Variants in IGFBP7 observed in about 807,000 individuals in gnomAD.
The protein encoded by IGFBP7 is insulin-like growth factor-binding protein 7.
IGFBP7 carries 31 observed loss-of-function variants against 29.4 expected under a neutral mutation model. That is an observed-to-expected ratio of 1.05 (90% CI 0.79 to 1.42). The LOEUF (loss-of-function observed/expected upper bound fraction) is 1.42. Among genes scored for constraint, IGFBP7 ranks in the 40% most tolerant of loss-of-function variants. The pLI is 0.00. For missense variants in IGFBP7, 393 were observed against 395.5 expected, an observed-to-expected ratio of 0.99 and a Z score of 0.05; for synonymous variants, 172 against 174.9, an observed-to-expected ratio of 0.98 and a Z score of 0.13.
At chr4:57,086,764 G>C (rs553879845) in intron 1 of IGFBP7, among the ~76,000 whole-genome samples, 1 of 151,802 alleles carries the variant, frequency 6.6e-6, no homozygotes. Context: ...TCCGAGTTTC[G>C]CTCTTGTTGC....
At chr4:57,080,760 T>C (rs1276158375) in intron 1 of IGFBP7, among the ~76,000 whole-genome samples, 1 of 152,200 alleles carries the variant, frequency 6.6e-6, no homozygotes, top group Non-Finnish European at 1.5e-5. Flanking sequence ...TCACTCACCC[T>C]ATGCCTACCG....
Position 57,058,333 on chromosome 4 carries a change from G to A in IGFBP7, c.476-17400C>T, listed in dbSNP as rs139133955. Among the ~76,000 whole-genome samples the A allele has an allele frequency of 3.0e-3, 449 of 152,162 alleles. 2 individuals are homozygous for A. Among genetic ancestry groups the A allele is most frequent in the African/African-American group, 0.01 (435 of 41,504 alleles). On this transcript the variant is annotated intron_variant, in intron 1 of 4. Transcript: ENST00000295666. The stretch of plus-strand genomic sequence containing the variant: ...CATAAAAAAATGTCAGAGGCATCAC[G>A]TTACTTGACTTCAGACTATACTATT...
rs1724205084 is a variant in IGFBP7, at chr4:57,040,869, G to C, written c.540C>G (p.Ser180Arg). The C allele has an allele frequency of 1.2e-6, 2 of 1,614,134 alleles. No homozygotes were observed. Among genetic ancestry groups the C allele is most frequent in the East Asian group, 2.2e-5 (1 of 44,878 alleles). Residue 180 changes from serine to arginine, a missense_variant, in exon 2 of 5, where the codon AGC becomes AGG. Transcript: ENST00000295666. ...WNVTGAQVYLSCEVIGIPTPV... is the reference protein window; with the variant it reads ...WNVTGAQVYLRCEVIGIPTPV... ...GTGTCGGGATTCCGATGACCTCACA[G>C]CTCAAGTACACCTGGGCACCAGTGA... is the stretch of plus-strand genomic sequence containing the variant.
At chr4:57,047,360 T>A (rs1724388305) in intron 1 of IGFBP7, among the ~76,000 whole-genome samples, 1 of 152,218 alleles carries the variant, frequency 6.6e-6, no homozygotes, top group Non-Finnish European at 1.5e-5. Flanking sequence ...CTCATGGAGC[T>A]GTGAGTCCAT....
intron 1 of IGFBP7, among the ~76,000 whole-genome samples, chr4:57,060,045 T>C (rs1426191346): frequency 6.6e-6 from 1 of 152,284 alleles, no homozygotes; most frequent in East Asian, 1.9e-4. Flanking sequence ...ACATGAGGAA[T>C]AGAAAGATGT....
In IGFBP7 at chr4:57,032,546, G is replaced by A; in HGVS notation, c.709C>T (p.Pro237Ser). The A allele has an allele frequency of 6.2e-7, 1 of 1,612,772 alleles. No individual in the cohort carries two copies. The highest frequency in any genetic ancestry group is 8.5e-7 in the Non-Finnish European group (1 of 1,178,806). The change falls in exon 4 of 5, where the codon CCT (proline) becomes TCT (serine). Residue 237 changes from proline (P) to serine (S), a missense_variant. Physicochemically the swap from Pro to Ser is moderately conservative, Grantham distance 74. Coordinates refer to ENST00000295666, the MANE Select transcript of IGFBP7 (RefSeq NM_001553.3). ...TCTCCAGCATCTTCCTTACTTAGAG[G>A]AGATACCTGTGAAAGAAAAAAGATC... ...HEVTGWVLVSPLSKEDAGEYE... is the reference protein window; with the variant it reads ...HEVTGWVLVSSLSKEDAGEYE...
At chr4:57,082,247 T>C (rs923463656) in intron 1 of IGFBP7, among the ~76,000 whole-genome samples, 1 of 152,182 alleles carries the variant, frequency 6.6e-6, no homozygotes, top group African/African-American at 2.4e-5. Flanking sequence ...GCCCAAGGAA[T>C]ATCAGTTATA....
intron 1 of IGFBP7, among the ~76,000 whole-genome samples, chr4:57,049,663 CCA>C (rs1466626326): frequency 6.6e-6 from 1 of 152,184 alleles, no homozygotes; most frequent in African/African-American, 2.4e-5. Context: ...TCGGTAAGTT[CCA>C]CAGAGTGTAG....
chr4:57,074,994 C>T (rs1714014), intron 1 of IGFBP7, among the ~76,000 whole-genome samples: 117,883 of 152,198 alleles, frequency 0.77, 45,948 homozygotes, highest in East Asian at 0.97. Context: ...ACTGATCACA[C>T]GTCAAAGCCT....
At chr4:57,058,723 G>A (rs750323782) in intron 1 of IGFBP7, among the ~76,000 whole-genome samples, 2 of 152,286 alleles carry the variant, frequency 1.3e-5, no homozygotes, top group Admixed American at 1.3e-4. Flanking sequence ...AAAAGCAATT[G>A]CAACAGAAGC....
intron 1 of IGFBP7, among the ~76,000 whole-genome samples, chr4:57,078,232 G>A (rs962887496): frequency 6.6e-6 from 1 of 152,148 alleles, no homozygotes; most frequent in African/African-American, 2.4e-5. Flanking sequence ...CGACAGCCCT[G>A]TGAGGTTCGT....
chr4:57,034,415 A>G (rs956951630), intron 2 of IGFBP7, among the ~76,000 whole-genome samples: 10 of 152,080 alleles, frequency 6.6e-5, no homozygotes, highest in African/African-American at 2.4e-4. Context: ...TTAAGAGCCA[A>G]CCTGACATTT....
intron 1 of IGFBP7, among the ~76,000 whole-genome samples, chr4:57,055,527 C>T (rs939174436): frequency 1.3e-5 from 2 of 152,050 alleles, no homozygotes; most frequent in Non-Finnish European, 2.9e-5. Context: ...TTGGGAGGTG[C>T]CAGTATTCAC....
In IGFBP7 at chr4:57,034,960, T is replaced by C. The variant is rs116829943; in HGVS notation, c.586-1649A>G. Among the ~76,000 whole-genome samples, 339 of 152,346 alleles carry C rather than the reference T, an allele frequency of 2.2e-3. 1 individual carries two copies. Among genetic ancestry groups the C allele is most frequent in the Non-Finnish European group, 3.7e-3 (251 of 68,030 alleles). ...AGCTGGCAGAAACGGTTTATGCTAA[T>C]ACAGCTTTTGAAATAGTTACTTAAA... On this transcript the variant is annotated intron_variant, in intron 2 of 4. Coordinates refer to ENST00000295666, the MANE Select transcript of IGFBP7 (RefSeq NM_001553.3).
At chr4:57,082,524 TAGA>T (rs961008967) in intron 1 of IGFBP7, among the ~76,000 whole-genome samples, 6 of 152,150 alleles carry the variant, frequency 3.9e-5, no homozygotes, top group Non-Finnish European at 2.9e-5. Context: ...TTTTGGTAAT[TAGA>T]AGAAGGAAAG....
Position 57,077,946 on chromosome 4 carries a change from C to A in IGFBP7, c.475+31931G>T, listed in dbSNP as rs905768098. On this transcript the variant is annotated intron_variant, in intron 1 of 4. Coordinates refer to ENST00000295666, the MANE Select transcript of IGFBP7 (RefSeq NM_001553.3). ...CACACAGAGCACTCAATCAATAAAT[C>A]GGCACTATTACTTACAATTTCAAAA... is the stretch of plus-strand genomic sequence containing the variant. Among the ~76,000 whole-genome samples, 3 of 152,140 alleles carry A rather than the reference C, an allele frequency of 2.0e-5. No individual in the cohort carries two copies. In the East Asian group the frequency reaches 5.8e-4, roughly 29 times the overall value.
intron 1 of IGFBP7, among the ~76,000 whole-genome samples, chr4:57,101,670 T>A (rs1725899034): frequency 6.6e-6 from 1 of 152,028 alleles, no homozygotes; most frequent in South Asian, 2.1e-4. Context: ...GTAAAAAAAA[T>A]AAATAAGTAA....
intron 1 of IGFBP7, among the ~76,000 whole-genome samples, chr4:57,096,635 T>G (rs1156533634): frequency 1.3e-5 from 2 of 152,250 alleles, no homozygotes; most frequent in East Asian, 3.9e-4. Context: ...GTAGTCCCAA[T>G]GTTCTGCCAA....
chr4:57,034,165 T>A (rs1724024613), intron 2 of IGFBP7, among the ~76,000 whole-genome samples: 1 of 152,210 alleles, frequency 6.6e-6, no homozygotes, highest in African/African-American at 2.4e-5. Context: ...AAACTCAGTT[T>A]CTTTGGTGCA....
Sources: gnomAD v4.1 joint callset for allele counts (sites outside exome capture counted in the v4.1 genomes callset) on GRCh38, gnomAD v4.1.1 for gene constraint, MANE v1.5 for transcripts, NCBI Gene and HGNC (gene_info 2026-07-23, HGNC 2026-07-21) for gene names.